Variants in PTPRN2 observed in about 807,000 individuals in gnomAD.
PTPRN2 encodes the protein protein tyrosine phosphatase receptor type N2, also known as receptor-type tyrosine-protein phosphatase N2.
A neutral mutation model predicts 118.8 loss-of-function variants in PTPRN2; 74 were observed. That is an observed-to-expected ratio of 0.62 (90% CI 0.52 to 0.76). The LOEUF is 0.76. Ranked by LOEUF, PTPRN2 falls within the 30% of genes least tolerant of loss-of-function variation. The pLI, the probability that PTPRN2 is intolerant of heterozygous loss-of-function variation, is 0.00. For missense variants in PTPRN2, 1,481 were observed against 1,394.4 expected (o/e 1.06, Z -0.99); for synonymous variants, 641 against 608.0 (o/e 1.05, Z -0.80).
intron 12 of PTPRN2, among the ~76,000 whole-genome samples, chr7:157,789,993 G>GGT (rs1228413754): frequency 7.6e-6 from 1 of 132,090 alleles, no homozygotes; most frequent in African/African-American, 2.9e-5. Flanking sequence ...GTGTGGTGGG[G>GGT]GTGTGTGTGG....
At chr7:157,620,882 T>A (rs1363586147) in intron 15 of PTPRN2, among the ~76,000 whole-genome samples, 11 of 151,874 alleles carry the variant, frequency 7.2e-5, no homozygotes, top group Non-Finnish European at 1.3e-4. Flanking sequence ...AACCCAGGCC[T>A]CCCTCCCCGG....
At chr7:158,302,678 A>G (rs1765055137) in intron 3 of PTPRN2, among the ~76,000 whole-genome samples, 1 of 152,250 alleles carries the variant, frequency 6.6e-6, no homozygotes, top group African/African-American at 2.4e-5. Context: ...CACGTGCCGC[A>G]GCTGGAACTT....
At chr7:157,672,163 AC>A (rs1200345048) in intron 13 of PTPRN2, among the ~76,000 whole-genome samples, 1 of 147,856 alleles carries the variant, frequency 6.8e-6, no homozygotes, top group South Asian at 2.2e-4. Context: ...GTGTCTGAAA[AC>A]CCCCCCTGGA....
At chr7:158,207,135 C>A (rs1186253769) in intron 3 of PTPRN2, among the ~76,000 whole-genome samples, 5 of 147,044 alleles carry the variant, frequency 3.4e-5, no homozygotes, top group Non-Finnish European at 7.4e-5. Flanking sequence ...AAAGGACATG[C>A]ACTCATCATT....
chr7:158,106,673 A>C (rs577593076), intron 10 of PTPRN2, among the ~76,000 whole-genome samples: 23 of 152,312 alleles, frequency 1.5e-4, no homozygotes, highest in Non-Finnish European at 2.8e-4. Context: ...TAACCCTGTC[A>C]CACTATCTGT....
chr7:157,824,834 C>A lies in PTPRN2; in HGVS notation c.1788+73839G>T, dbSNP rs574004336. 1.2e-4 allele frequency among the ~76,000 whole-genome samples: 19 copies of A among 152,340 alleles called. No homozygotes were observed. The East Asian group carries it at 2.7e-3, about 22-fold the overall frequency. On this transcript the variant is annotated intron_variant, in intron 12 of 22. Transcript: ENST00000389418. ...AAAGGGTGACCTGTTTCCCGTGAGG[C>A]AGAACCCGCCTCGCCTTGGCTGGAG...
intron 11 of PTPRN2, among the ~76,000 whole-genome samples, chr7:158,009,027 A>C (rs1805859806): frequency 6.6e-6 from 1 of 152,044 alleles, no homozygotes; most frequent in Non-Finnish European, 1.5e-5. Flanking sequence ...CCCCGAGGTC[A>C]CTGCACTCAC....
intron 2 of PTPRN2, among the ~76,000 whole-genome samples, chr7:158,351,455 G>C (rs75341428): frequency 2.0e-5 from 3 of 152,230 alleles, no homozygotes; most frequent in African/African-American, 4.8e-5. Flanking sequence ...GCTTTCCTTC[G>C]TTGCTCACAC....
At chr7:157,933,212 A>G (rs1197223411) in intron 11 of PTPRN2, among the ~76,000 whole-genome samples, 1 of 131,222 alleles carries the variant, frequency 7.6e-6, no homozygotes, top group Non-Finnish European at 1.6e-5. Context: ...GTTTTAGAGG[A>G]AGGGTGAGTC....
chr7:157,892,540 C>A (rs532789899), intron 12 of PTPRN2, among the ~76,000 whole-genome samples: 1 of 152,254 alleles, frequency 6.6e-6, no homozygotes, highest in Admixed American at 6.5e-5. Flanking sequence ...TCTGTCATCA[C>A]TTGCATTAAA....
At chr7:157,823,468 C>T (rs1264066556) in intron 12 of PTPRN2, among the ~76,000 whole-genome samples, 1 of 152,228 alleles carries the variant, frequency 6.6e-6, no homozygotes, top group Non-Finnish European at 1.5e-5. Context: ...CAGTGAATCA[C>T]TAATCTGCAG....
chr7:158,101,169 A>C (rs2150346821), intron 10 of PTPRN2, among the ~76,000 whole-genome samples: 1 of 152,364 alleles, frequency 6.6e-6, no homozygotes, highest in Non-Finnish European at 1.5e-5. Flanking sequence ...TGGTATAAAA[A>C]TAGGCACACA....
chr7:157,789,926 G>T (rs1048121986), intron 12 of PTPRN2, among the ~76,000 whole-genome samples: 1 of 150,686 alleles, frequency 6.6e-6, no homozygotes, highest in African/African-American at 2.4e-5. Context: ...GTGGTATGTT[G>T]TGTGTGTATG....
intron 12 of PTPRN2, among the ~76,000 whole-genome samples, chr7:157,796,301 A>G (rs1490095964): frequency 6.6e-6 from 1 of 152,242 alleles, no homozygotes; most frequent in South Asian, 2.1e-4. Flanking sequence ...CACTAAGCAC[A>G]TGATTTTCCT....
intron 16 of PTPRN2, among the ~76,000 whole-genome samples, chr7:157,599,525 T>C (rs1801539210): frequency 6.6e-6 from 1 of 152,176 alleles, no homozygotes; most frequent in Non-Finnish European, 1.5e-5. Flanking sequence ...CTAATCTGCA[T>C]GAAAAACTTA....
intron 5 of PTPRN2, among the ~76,000 whole-genome samples, chr7:158,171,334 TATATATATATATATAC>T (rs1823674821): frequency 7.8e-6 from 1 of 127,814 alleles, no homozygotes; most frequent in African/African-American, 3.3e-5. Context: ...TATATATATA[TATATATATATATATAC>T]ACACACACAT....
At chr7:157,727,059 G>C (rs933110527) in intron 12 of PTPRN2, among the ~76,000 whole-genome samples, 8 of 152,250 alleles carry the variant, frequency 5.3e-5, no homozygotes, top group Admixed American at 5.2e-4. Flanking sequence ...AGCAGCTAGG[G>C]AGAACAGGGT....
At chr7:157,921,608 C>T (rs992780477) in intron 11 of PTPRN2, among the ~76,000 whole-genome samples, 2 of 152,106 alleles carry the variant, frequency 1.3e-5, no homozygotes, top group Non-Finnish European at 2.9e-5. Flanking sequence ...AGTGGGCTGC[C>T]GCAGGCAGGG....
intron 12 of PTPRN2, among the ~76,000 whole-genome samples, chr7:157,725,736 A>G (rs1242790): frequency 0.019 from 453 of 24,098 alleles, 2 homozygotes; most frequent in African/African-American, 0.032. Flanking sequence ...CCAGACCCTC[A>G]CCTCCCAGGA....
Sources: allele counts gnomAD v4.1 joint callset (sites outside exome capture counted in the v4.1 genomes callset), GRCh38; gene constraint gnomAD v4.1.1; transcripts MANE v1.5; gene names NCBI Gene and HGNC (gene_info 2026-07-23, HGNC 2026-07-21).